The following FAM83F variants were observed in gnomAD, a reference collection of about 807,000 sequenced individuals.
FAM83F encodes the protein protein FAM83F.
FAM83F carries 45 observed loss-of-function variants against 42.9 expected under a neutral mutation model. The ratio of observed to expected loss-of-function variants is 1.05; its 90% CI spans 0.83 to 1.35. The LOEUF (loss-of-function observed/expected upper bound fraction) is 1.35. FAM83F is among the 40% of genes most tolerant of loss of function. The pLI is 0.00. For missense variants in FAM83F, 617 were observed against 695.9 expected (o/e 0.89, Z 1.28); for synonymous variants, 306 against 298.3 (o/e 1.03, Z -0.27).
chr22:40,024,930 G>GGCCT (rs2067542929), intron 4 of FAM83F, among the ~76,000 whole-genome samples: 1 of 152,194 alleles, frequency 6.6e-6, no homozygotes, highest in Non-Finnish European at 1.5e-5. Flanking sequence ...CTGGGGGCCA[G>GGCCT]GGGTGCCCAG....
rs1476138586 is a variant in FAM83F at position 40,035,887 on chromosome 22, T to C, written c.*6322T>C. 6.6e-6 allele frequency: 1 copy of C among 152,178 alleles called. No individual in the cohort carries two copies. The highest frequency in any genetic ancestry group is 1.5e-5 in the Non-Finnish European group (1 of 68,036). 9.4% of individuals were successfully genotyped at this position (152,178 alleles called of 1,614,324 possible). On this transcript the variant is annotated 3_prime_UTR_variant, in exon 5 of 5. Transcript: ENST00000333407. ...GGCTTATTTTCCTTTTGGGATCTTC[T>C]CTCCTAGATCCTCCCCTTTAATTCC... is the stretch of plus-strand genomic sequence containing the variant.
At position 40,040,682 on chromosome 22, in the gene FAM83F, C is replaced by T. The variant is rs2067646962; in HGVS notation, c.*11117C>T. Reference sequence around the variant, plus strand: ...TTATAAGCATGCCCTCTGTAATCAGCCCTCTTTAGAGAGTTTCCCTGCCTC... The same window carrying T: ...TTATAAGCATGCCCTCTGTAATCAGTCCTCTTTAGAGAGTTTCCCTGCCTC... On this transcript the variant is annotated 3_prime_UTR_variant, in exon 5 of 5. Coordinates refer to ENST00000333407, the MANE Select transcript of FAM83F (RefSeq NM_138435.4). 1 of 152,230 alleles carries T rather than the reference C, an allele frequency of 6.6e-6. No individual in the cohort carries two copies. Among genetic ancestry groups the T allele is most frequent in the African/African-American group, 2.4e-5 (1 of 41,454 alleles). The allele number at this position is 152,230 out of a possible 1,614,324, so 9.4% of individuals were successfully genotyped here.
At position 40,035,954 on chromosome 22, in the gene FAM83F, G is replaced by A. The variant is rs1227084246; in HGVS notation, c.*6389G>A. The A allele has an allele frequency of 1.3e-5, 2 of 152,182 alleles. No individual in the cohort carries two copies. Among genetic ancestry groups the A allele is most frequent in the African/African-American group, 4.8e-5 (2 of 41,434 alleles). 9.4% of individuals were successfully genotyped at this position (152,182 alleles called of 1,614,324 possible). ...TTTCATATTGAATCGTTGGCACACAGGGCTAACTGCTTGTTCACCTGAAGG... is the reference window on the plus strand; with the variant it reads ...TTTCATATTGAATCGTTGGCACACAAGGCTAACTGCTTGTTCACCTGAAGG... On this transcript the variant is annotated 3_prime_UTR_variant, in exon 5 of 5. Transcript: ENST00000333407.
Position 40,031,640 on chromosome 22 carries a change from C to T in FAM83F, c.*2075C>T, listed in dbSNP as rs2067588346. 3 of 152,256 alleles carry T rather than the reference C, an allele frequency of 2.0e-5. No homozygotes were observed. Among genetic ancestry groups the T allele is most frequent in the African/African-American group, 2.4e-5 (1 of 41,462 alleles). The allele number at this position is 152,256 out of a possible 1,614,324, so 9.4% of individuals were successfully genotyped here. ...ATGTGCCAAGATGGCGTTTTTCACA[C>T]TTTCTTGGTAGAAATGATGGGGAGA... is the stretch of plus-strand genomic sequence containing the variant. On this transcript the variant is annotated 3_prime_UTR_variant, in exon 5 of 5. Transcript: ENST00000333407.
Position 40,021,548 on chromosome 22 carries a change from G to A in FAM83F, c.1038G>A (p.Arg346=). The stretch of plus-strand genomic sequence containing the variant: ...GGGAGATGATGCGCTGGGCTGCCCG[G>A]CAACAGCGGGAGGCGGGCGGCAACC... The part of the protein sequence containing the change: ...PPGEMMRWAA[R]QQREAGGNPE... The change falls in exon 4 of 5, where the codon CGG becomes CGA. Residue 346 remains arginine (R), a synonymous_variant. Coordinates refer to ENST00000333407, the MANE Select transcript of FAM83F (RefSeq NM_138435.4). The surrounding 1 kb of genome is among the most constrained non-coding windows in gnomAD (Gnocchi z 8.7). 1 of 1,564,098 alleles carries A rather than the reference G, an allele frequency of 6.4e-7. No homozygotes were observed. Among genetic ancestry groups the A allele is most frequent in the Non-Finnish European group, 8.7e-7 (1 of 1,150,102 alleles).
chr22:40,027,592 C>G (rs9611251), intron 4 of FAM83F, among the ~76,000 whole-genome samples: 41,769 of 152,190 alleles, frequency 0.27, 5,975 homozygotes, highest in South Asian at 0.41. Flanking sequence ...ACTCCCCACA[C>G]GTGGTCAGCT....
At chr22:40,019,422 C>T in intron 2 of FAM83F, 87 bp downstream of exon 2, 11 of 1,293,288 alleles carry the variant, frequency 8.5e-6, no homozygotes, top group Non-Finnish European at 1.2e-5. Context: ...CCTGCCTCTT[C>T]CCTGAATGGG....
At position 40,021,771 on chromosome 22, in the gene FAM83F, C is replaced by T. The variant is rs374870818; in HGVS notation, c.1261C>T (p.Arg421Ter). The part of the protein sequence containing the change: ...LKPKSREAPS[R>*]NGMGEAARGE... ...GCCCAAATCCCGAGAGGCACCCAGCCGAAACGGCATGGGAGAAGCGGCCCG... is the reference window on the plus strand; with the variant it reads ...GCCCAAATCCCGAGAGGCACCCAGCTGAAACGGCATGGGAGAAGCGGCCCG... Residue 421 changes from arginine (R) to a stop codon, truncating the protein, a stop_gained, in exon 4 of 5, where the codon CGA (arginine) becomes TGA (stop). Transcript: ENST00000333407. LOFTEE classifies it high-confidence loss of function. This position sits in a 1 kb window ranked among gnomAD's most constrained non-coding sequence, Gnocchi z 8.7. 9.9e-6 allele frequency: 16 copies of T among 1,612,836 alleles called. No individual in the cohort carries two copies. The highest frequency in any genetic ancestry group is 1.6e-4 in the Middle Eastern group (1 of 6,062).
chr22:40,003,358 C>A (rs2067411440), intron 1 of FAM83F, among the ~76,000 whole-genome samples: 1 of 152,186 alleles, frequency 6.6e-6, no homozygotes, highest in Non-Finnish European at 1.5e-5. Flanking sequence ...TCAGTCCCCC[C>A]ATCTTCTCAC....
chr22:40,003,347 G>A (rs1207499001), intron 1 of FAM83F, among the ~76,000 whole-genome samples: 6 of 152,046 alleles, frequency 3.9e-5, no homozygotes, highest in Non-Finnish European at 8.8e-5. Context: ...CCCAGCAACT[G>A]TCAGTCCCCC....
At chr22:40,019,367 A>G (rs1254762718) in intron 2 of FAM83F, 32 bp downstream of exon 2, 4 of 1,604,244 alleles carry the variant, frequency 2.5e-6, no homozygotes, top group Non-Finnish European at 3.4e-6. Context: ...GAAAGTGGAC[A>G]GGAGATGAGA....
At chr22:40,008,214 A>T (rs2067446069) in intron 1 of FAM83F, among the ~76,000 whole-genome samples, 1 of 152,228 alleles carries the variant, frequency 6.6e-6, no homozygotes, top group Non-Finnish European at 1.5e-5. Context: ...GGCATTGAGC[A>T]GAGGAACGAC....
chr22:40,024,420 A>G (rs531499739), intron 4 of FAM83F, among the ~76,000 whole-genome samples: 68 of 152,322 alleles, frequency 4.5e-4, no homozygotes, highest in African/African-American at 1.5e-3. Context: ...TGCATGTGTG[A>G]GAAGGTGGGC....
At chr22:40,018,883 C>G (rs2067504839) in intron 1 of FAM83F, among the ~76,000 whole-genome samples, 1 of 152,212 alleles carries the variant, frequency 6.6e-6, no homozygotes, top group South Asian at 2.1e-4. Flanking sequence ...GCCACCTTGC[C>G]TGGCCCTGAT....
chr22:40,006,574 TAG>T (rs902158180), intron 1 of FAM83F, among the ~76,000 whole-genome samples: 1 of 152,172 alleles, frequency 6.6e-6, no homozygotes, highest in Non-Finnish European at 1.5e-5. Context: ...ACTACAGGCT[TAG>T]AGAGTGACTG....
intron 1 of FAM83F, among the ~76,000 whole-genome samples, chr22:40,003,645 C>G (rs566474575): frequency 6.6e-6 from 1 of 152,320 alleles, no homozygotes; most frequent in South Asian, 2.1e-4. Context: ...ACCAGCCGGC[C>G]TCAGCTGGAG....
intron 4 of FAM83F, 107 bp downstream of exon 4, chr22:40,022,070 C>T: frequency 9.8e-7 from 1 of 1,017,426 alleles, no homozygotes; most frequent in Non-Finnish European, 1.4e-6. Flanking sequence ...GAGTAGATTC[C>T]ATCTGTGGGC....
Position 40,035,964 on chromosome 22 carries a change from C to G in FAM83F, c.*6399C>G, listed in dbSNP as rs911945181. 1 of 152,300 alleles carries G rather than the reference C, an allele frequency of 6.6e-6. No individual in the cohort carries two copies. The highest frequency in any genetic ancestry group is 2.1e-4 in the South Asian group (1 of 4,828). 9.4% of individuals were successfully genotyped at this position (152,300 alleles called of 1,614,324 possible). The stretch of plus-strand genomic sequence containing the variant: ...AATCGTTGGCACACAGGGCTAACTG[C>G]TTGTTCACCTGAAGGAAGCTACAGA... On this transcript the variant is annotated 3_prime_UTR_variant, in exon 5 of 5. Coordinates refer to ENST00000333407, the MANE Select transcript of FAM83F (RefSeq NM_138435.4).
At chr22:40,014,634 G>A (rs1463625611) in intron 1 of FAM83F, among the ~76,000 whole-genome samples, 2 of 152,090 alleles carry the variant, frequency 1.3e-5, no homozygotes, top group Admixed American at 1.3e-4. Context: ...TATTATGTCT[G>A]TAGTAATTTC....
Sources: allele counts gnomAD v4.1 joint callset (sites outside exome capture counted in the v4.1 genomes callset), GRCh38; gene constraint gnomAD v4.1.1; non-coding constraint Gnocchi (gnomAD v3.1); transcripts MANE v1.5; gene names NCBI Gene and HGNC (gene_info 2026-07-23, HGNC 2026-07-21).